Variants in POLR1A observed in about 807,000 individuals in gnomAD.
POLR1A encodes the protein RNA polymerase I subunit A, also known as DNA-directed RNA polymerase I subunit RPA1.
A neutral mutation model predicts 205.3 loss-of-function variants in POLR1A; 84 were observed. That is an observed-to-expected ratio of 0.41 (90% CI 0.34 to 0.49). POLR1A has a LOEUF of 0.49. Among genes scored for constraint, POLR1A ranks in the 20% least tolerant of loss-of-function variants. POLR1A has a pLI of 0.22. For synonymous variants in POLR1A, 799 were observed against 863.7 expected, an observed-to-expected ratio of 0.93 and a Z score of 1.31; for missense variants, 1,645 against 2,204.5, an observed-to-expected ratio of 0.75 and a Z score of 5.08.
chr2:86,031,438 C>T lies in POLR1A; in HGVS notation c.4470G>A (p.Gln1490=). Residue 1490 remains glutamine (Q), a synonymous_variant, in exon 30 of 34, where the codon CAG becomes CAA. Coordinates refer to ENST00000263857, the MANE Select transcript of POLR1A (RefSeq NM_015425.6). ...CCATGGCCTCGGGCCCCTGGGGCTCCTGGCTGTGGGTGGGTTTCCGGGGCT... is the reference window on the plus strand; with the variant it reads ...CCATGGCCTCGGGCCCCTGGGGCTCTTGGCTGTGGGTGGGTTTCCGGGGCT... ...LTQPRKPTHS[Q]EPQGPEAMER... is the part of the protein sequence containing the mutation. The T allele has an allele frequency of 6.2e-7, 1 of 1,614,100 alleles. No homozygotes were observed. Among genetic ancestry groups the T allele is most frequent in the Non-Finnish European group, 8.5e-7 (1 of 1,179,990 alleles).
intron 1 of POLR1A, among the ~76,000 whole-genome samples, chr2:86,104,496 G>GGAGTGCA (rs1673882986): frequency 6.9e-6 from 1 of 145,320 alleles, no homozygotes; most frequent in African/African-American, 2.6e-5. Context: ...TCGCCAGGCT[G>GGAGTGCA]GAGTGCAGTG....
intron 14 of POLR1A, 65 bp downstream of exon 14, chr2:86,065,209 A>T: frequency 7.1e-7 from 1 of 1,408,332 alleles, no homozygotes; most frequent in South Asian, 1.3e-5. Flanking sequence ...TTCTGAGAAT[A>T]AAACCTTTTA....
intron 27 of POLR1A, 74 bp downstream of exon 27, chr2:86,038,626 C>T: frequency 1.4e-6 from 2 of 1,451,962 alleles, no homozygotes; most frequent in Non-Finnish European, 1.9e-6. Context: ...AGCCTTGTGG[C>T]TAGGTGCTTC....
At chr2:86,099,911 A>G in intron 2 of POLR1A, 57 bp downstream of exon 2, 1 of 1,394,520 alleles carries the variant, frequency 7.2e-7, no homozygotes, top group South Asian at 1.2e-5. Flanking sequence ...GGAGAGAGGC[A>G]GCACTCACAA....
chr2:86,044,191 T>C lies in POLR1A; in HGVS notation c.3083A>G (p.Lys1028Arg), dbSNP rs746311355. 4 of 1,614,080 alleles carry C rather than the reference T, an allele frequency of 2.5e-6. No individual in the cohort carries two copies. Among genetic ancestry groups the C allele is most frequent in the Non-Finnish European group, 3.4e-6 (4 of 1,180,028 alleles). Residue 1028 changes from lysine (K) to arginine (R), a missense_variant, in exon 22 of 34, where the codon AAG (lysine) becomes AGG (arginine). Physicochemically the swap from Lys to Arg is conservative, Grantham distance 26. This residue lies in a region of POLR1A where 201 missense variants were observed against 222.3 expected (regional missense o/e 0.90). Coordinates refer to ENST00000263857, the MANE Select transcript of POLR1A (RefSeq NM_015425.6). Reference sequence around the variant, plus strand: ...CTGCTTGGGCTGCAGGAACTGTGTCTTGGGGATGTCCAGGCCATCCTCCCC... The same window carrying C: ...CTGCTTGGGCTGCAGGAACTGTGTCCTGGGGATGTCCAGGCCATCCTCCCC... Reference protein sequence around the residue: ...LYGEDGLDIPKTQFLQPKQFP... With the variant: ...LYGEDGLDIPRTQFLQPKQFP...
At chr2:86,066,081 G>A (rs1673078488) in intron 13 of POLR1A, among the ~76,000 whole-genome samples, 2 of 152,176 alleles carry the variant, frequency 1.3e-5, no homozygotes, top group South Asian at 4.1e-4. Context: ...TAACAGGGTG[G>A]GTCATAATAT....
rs755579626 is a variant in POLR1A at position 86,031,599 on chromosome 2, C to T, written c.4309G>A (p.Gly1437Ser). The T allele has an allele frequency of 1.9e-5, 30 of 1,612,934 alleles. No individual in the cohort carries two copies. In the South Asian group the frequency reaches 3.3e-4, roughly 18 times the overall value. The stretch of plus-strand genomic sequence containing the variant: ...ATGTCTTCATCGTCGTTCTCCTCGC[C>T]CTCCCTCTCCTCCTCTTCCTCACTC... ...YESEEEEERE[G>S]EENDDEDMQE... The change falls in exon 30 of 34, where the codon GGC becomes AGC. Residue 1437 changes from glycine to serine, a missense_variant. By Grantham distance (56) the Gly-to-Ser change is moderately conservative. Transcript: ENST00000263857.
At chr2:86,080,226 T>C (rs1467067887) in intron 9 of POLR1A, among the ~76,000 whole-genome samples, 6 of 152,132 alleles carry the variant, frequency 3.9e-5, no homozygotes, top group Admixed American at 3.9e-4. Flanking sequence ...GCTTCCTGGG[T>C]GCCCAATTCA....
At chr2:86,047,648 C>T (rs1672733150) in intron 18 of POLR1A, among the ~76,000 whole-genome samples, 1 of 152,232 alleles carries the variant, frequency 6.6e-6, no homozygotes, top group African/African-American at 2.4e-5. Flanking sequence ...CCAGCAGAGC[C>T]TGGCCTGGGT....
At chr2:86,055,181 G>A (rs1377378541) in intron 14 of POLR1A, among the ~76,000 whole-genome samples, 2 of 152,156 alleles carry the variant, frequency 1.3e-5, no homozygotes, top group Non-Finnish European at 2.9e-5. Flanking sequence ...TATACTTCCA[G>A]CTACTCAGGA....
intron 23 of POLR1A, among the ~76,000 whole-genome samples, 158 bp downstream of exon 23, chr2:86,042,816 C>T (rs184596376): frequency 6.6e-6 from 1 of 152,232 alleles, no homozygotes; most frequent in Admixed American, 6.5e-5. Flanking sequence ...AGAGTCCCCA[C>T]CTTACATTCC....
chr2:86,078,945 C>T (rs1002335355), intron 9 of POLR1A, among the ~76,000 whole-genome samples: 1 of 152,164 alleles, frequency 6.6e-6, no homozygotes, highest in African/African-American at 2.4e-5. Context: ...ACACAGAAGC[C>T]TTCAGCTGGC....
intron 7 of POLR1A, 28 bp from the exon 8 acceptor site, chr2:86,081,734 G>T: frequency 1.4e-6 from 2 of 1,403,020 alleles, no homozygotes; most frequent in South Asian, 1.2e-5. Flanking sequence ...AAACCAAGAA[G>T]ACCATTTAAA....
chr2:86,065,269 A>G lies in POLR1A; in HGVS notation c.2058+5T>C, dbSNP rs780603838. On this transcript the variant is annotated splice_donor_5th_base_variant and intron_variant, in intron 14 of 33. Coordinates refer to ENST00000263857, the MANE Select transcript of POLR1A (RefSeq NM_015425.6). The stretch of plus-strand genomic sequence containing the variant: ...TACATACACTGGCTGTTCTCTCCCA[A>G]TTACCTGTTTTCCTGTCCACAGCGG... The G allele has an allele frequency of 2.5e-6, 4 of 1,611,956 alleles. No individual in the cohort carries two copies. The South Asian group carries it at 4.4e-5, about 18-fold the overall frequency.
At position 86,041,786 on chromosome 2, in the gene POLR1A, C is replaced by T. The variant is rs1335313418; in HGVS notation, c.3572+103G>A. On this transcript the variant is annotated intron_variant, in intron 24 of 33. Coordinates refer to ENST00000263857, the MANE Select transcript of POLR1A (RefSeq NM_015425.6). The stretch of plus-strand genomic sequence containing the variant: ...CTCCCTCTAGCTGAAGTCTCAAACC[C>T]AGGAGGCAGCCCTCTTCCGGAGTGA... 3.0e-6 allele frequency: 3 copies of T among 1,001,814 alleles called. No individual in the cohort carries two copies. The African/African-American group carries it at 4.8e-5, about 16-fold the overall frequency. 62.1% of individuals were successfully genotyped at this position (1,001,814 alleles called of 1,614,324 possible).
intron 3 of POLR1A, among the ~76,000 whole-genome samples, chr2:86,095,433 T>C (rs1673686022): frequency 6.6e-6 from 1 of 152,232 alleles, no homozygotes; most frequent in South Asian, 2.1e-4. Flanking sequence ...TAAAAATATC[T>C]ACAGATAAAC....
intron 13 of POLR1A, among the ~76,000 whole-genome samples, chr2:86,066,653 C>T (rs1326756731): frequency 6.6e-6 from 1 of 152,178 alleles, no homozygotes; most frequent in African/African-American, 2.4e-5. Context: ...GCTAAGGGAA[C>T]TCACAAATGC....
rs200735610 is a variant in POLR1A, at chr2:86,031,538, C to T, written c.4370G>A (p.Arg1457Gln). ...CTCTTCATCTTGCTCTTGGGTCTTT[C>T]GAGCACCTTCCCTGTGGGGATTTCG... ...EERNPHREGA[R>Q]KTQEQDEEVG... is the part of the protein sequence containing the mutation. The change falls in exon 30 of 34, where the codon CGA (arginine) becomes CAA (glutamine). Residue 1457 changes from arginine (R) to glutamine (Q), a missense_variant. Physicochemically the swap from Arg to Gln is conservative, Grantham distance 43. Transcript: ENST00000263857. 216 of 1,614,050 alleles carry T rather than the reference C, an allele frequency of 1.3e-4. 1 individual carries two copies. The highest frequency in any genetic ancestry group is 3.3e-4 in the Middle Eastern group (2 of 6,082).
chr2:86,105,760 T>A lies in POLR1A; in HGVS notation c.17A>T (p.Asn6Ile), dbSNP rs764413159. MLISKNMPWRRLQGIS... is the reference protein window; with the variant it reads MLISKIMPWRRLQGIS... Reference sequence around the variant, plus strand: ...GCCCTGCAGCCGCCGCCAGGGCATGTTCTTGGAGATCAACATCCTCCAGGT... The same window carrying A: ...GCCCTGCAGCCGCCGCCAGGGCATGATCTTGGAGATCAACATCCTCCAGGT... The change falls in exon 1 of 34, where the codon AAC becomes ATC. Residue 6 changes from asparagine to isoleucine, a missense_variant. This residue lies in a region of POLR1A where 330 missense variants were observed against 375.6 expected (regional missense o/e 0.88). Coordinates refer to ENST00000263857, the MANE Select transcript of POLR1A (RefSeq NM_015425.6). 7 of 1,614,044 alleles carry A rather than the reference T, an allele frequency of 4.3e-6. No individual in the cohort carries two copies. The highest frequency in any genetic ancestry group is 5.9e-6 in the Non-Finnish European group (7 of 1,179,884).
Sources: gnomAD v4.1 joint callset for allele counts (sites outside exome capture counted in the v4.1 genomes callset) on GRCh38, gnomAD v4.1.1 for gene constraint, gnomAD v4.1.1 regional missense constraint, MANE v1.5 for transcripts, NCBI Gene and HGNC (gene_info 2026-07-23, HGNC 2026-07-21) for gene names.